SYNE1: variants seen among roughly 807,000 people sequenced by gnomAD.
The protein encoded by SYNE1 is spectrin repeat containing nuclear envelope protein 1, also known as nesprin-1.
A neutral mutation model predicts 1,111.0 loss-of-function variants in SYNE1; 616 were observed. That is an observed-to-expected ratio of 0.55 (90% CI 0.52 to 0.59). The LOEUF (loss-of-function observed/expected upper bound fraction) is 0.59, where lower values mean the gene tolerates loss of function less well. SYNE1 is among the 20% of genes least tolerant of loss of function. The pLI is 0.00. For missense variants in SYNE1, 10,006 were observed against 10,417.0 expected (o/e 0.96, Z 1.72); for synonymous variants, 3,855 against 3,825.8 (o/e 1.01, Z -0.28).
At chr6:152,195,520 C>T (rs2073879414) in intron 127 of SYNE1, among the ~76,000 whole-genome samples, 1 of 152,188 alleles carries the variant, frequency 6.6e-6, no homozygotes, top group South Asian at 2.1e-4. Flanking sequence ...CATGGGGCAC[C>T]CCAAGCCCAC....
At position 152,214,947 on chromosome 6, in the gene SYNE1, G is replaced by A. The variant is rs779112746; in HGVS notation, c.22305C>T (p.Arg7435=). 1.9e-6 allele frequency: 3 copies of A among 1,614,112 alleles called. No individual in the cohort carries two copies. The highest frequency in any genetic ancestry group is 2.5e-6 in the Non-Finnish European group (3 of 1,179,988). ...TCTGAGAGGAGATCAGAGACCAATG[G>A]CGGTTCAGATTCTGCATTCTTTTGA... ...KEIKRMQNLN[R]HWSLISSQTT... Residue 7435 remains arginine, a synonymous_variant, in exon 122 of 146, where the codon CGC becomes CGT. Coordinates refer to ENST00000367255, the MANE Select transcript of SYNE1 (RefSeq NM_182961.4).
intron 3 of SYNE1, among the ~76,000 whole-genome samples, chr6:152,566,730 G>A (rs2099414807): frequency 6.6e-6 from 1 of 152,122 alleles, no homozygotes; most frequent in Non-Finnish European, 1.5e-5. Context: ...AGCTTGGCCT[G>A]ACTCAAATAT....
At chr6:152,527,104 C>T (rs951248284) in intron 4 of SYNE1, among the ~76,000 whole-genome samples, 5 of 152,124 alleles carry the variant, frequency 3.3e-5, no homozygotes, top group African/African-American at 1.2e-4. Flanking sequence ...CTGATTCTTA[C>T]TGAATCTTGT....
At chr6:152,301,702 A>G (rs924421103) in intron 92 of SYNE1, among the ~76,000 whole-genome samples, 167 bp downstream of exon 92, 1 of 152,218 alleles carries the variant, frequency 6.6e-6, no homozygotes, top group Non-Finnish European at 1.5e-5. Context: ...AGTGTCAAAG[A>G]TTGGCCCGGC....
At chr6:152,435,721 G>A (rs2098468161) in intron 33 of SYNE1, 1 of 606,582 alleles carries the variant, frequency 1.6e-6, no homozygotes, top group Admixed American at 3.0e-5. Context: ...ATCAGTTTAA[G>A]ATGCAAAACC....
At chr6:152,323,762 A>G (rs2095957754) in intron 81 of SYNE1, 25 bp from the exon 82 acceptor site, 1 of 1,613,542 alleles carries the variant, frequency 6.2e-7, no homozygotes, top group South Asian at 1.1e-5. Flanking sequence ...ACATACTATG[A>G]AGTTCAATAA....
intron 113 of SYNE1, among the ~76,000 whole-genome samples, chr6:152,231,777 C>T (rs1308455671): frequency 8.8e-6 from 1 of 113,714 alleles, no homozygotes; most frequent in Non-Finnish European, 1.8e-5. Context: ...CACAGATATA[C>T]GTGTGTATGT....
chr6:152,555,545 T>G (rs2099362168), intron 3 of SYNE1, among the ~76,000 whole-genome samples: 2 of 152,186 alleles, frequency 1.3e-5, no homozygotes, highest in South Asian at 4.1e-4. Context: ...CAAAACTGCC[T>G]AATAATACAT....
intron 3 of SYNE1, among the ~76,000 whole-genome samples, chr6:152,547,632 A>C (rs891786904): frequency 6.6e-6 from 1 of 152,194 alleles, no homozygotes; most frequent in Non-Finnish European, 1.5e-5. Flanking sequence ...TCTTATTCCT[A>C]GTCTTTCCAA....
At chr6:152,149,868 T>C (rs1373709909) in intron 135 of SYNE1, among the ~76,000 whole-genome samples, 200 bp from the exon 136 acceptor site, 1 of 152,160 alleles carries the variant, frequency 6.6e-6, no homozygotes, top group Non-Finnish European at 1.5e-5. Context: ...GAGTCATAAA[T>C]AGAAACATTC....
intron 123 of SYNE1, among the ~76,000 whole-genome samples, chr6:152,211,808 T>C (rs1272764008): frequency 6.6e-6 from 1 of 152,188 alleles, no homozygotes; most frequent in African/African-American, 2.4e-5. Flanking sequence ...TTACTAAAAC[T>C]AGATGACCAA....
intron 113 of SYNE1, 76 bp from the exon 114 acceptor site, chr6:152,231,643 T>G: frequency 7.0e-7 from 1 of 1,431,810 alleles, no homozygotes; most frequent in Non-Finnish European, 9.6e-7. Flanking sequence ...AAGCCTTAAG[T>G]AACCTTAATA....
At chr6:152,174,137 A>G (rs1387226909) in intron 130 of SYNE1, among the ~76,000 whole-genome samples, 1 of 152,190 alleles carries the variant, frequency 6.6e-6, no homozygotes, top group East Asian at 1.9e-4. Context: ...GGAAAATAAT[A>G]TTAACTAGTT....
chr6:152,228,071 C>T (rs1243488761), intron 115 of SYNE1, among the ~76,000 whole-genome samples: 1 of 152,048 alleles, frequency 6.6e-6, no homozygotes, highest in African/African-American at 2.4e-5. Context: ...CAAAATAAAG[C>T]TGGAATCCAG....
chr6:152,428,867 C>T lies in SYNE1; in HGVS notation c.4789-475G>A, dbSNP rs533070360. 5.3e-5 allele frequency among the ~76,000 whole-genome samples: 8 copies of T among 152,092 alleles called. No individual in the cohort carries two copies. The South Asian group carries it at 1.5e-3, about 28-fold the overall frequency. On this transcript the variant is annotated intron_variant, in intron 36 of 145. Coordinates refer to ENST00000367255, the MANE Select transcript of SYNE1 (RefSeq NM_182961.4). ...CAGAAATCAAAAACGAAAATGGAGACACTTCTTCAAATAAGAATGCACTGC... is the reference window on the plus strand; with the variant it reads ...CAGAAATCAAAAACGAAAATGGAGATACTTCTTCAAATAAGAATGCACTGC...
chr6:152,256,244 C>A (rs2090796955), intron 102 of SYNE1, among the ~76,000 whole-genome samples: 1 of 151,488 alleles, frequency 6.6e-6, no homozygotes. Context: ...CATGGTGAAA[C>A]CCCGTCTTCA....
At chr6:152,436,193 G>A (rs183593274) in intron 32 of SYNE1, 92 bp from the exon 33 acceptor site, 3 of 1,326,476 alleles carry the variant, frequency 2.3e-6, no homozygotes, top group Admixed American at 4.0e-5. Context: ...AGAACAGATG[G>A]GTGGATGAAG....
At chr6:152,294,209 A>C (rs2094753135) in intron 93 of SYNE1, 82 bp from the exon 94 acceptor site, 10 of 1,493,454 alleles carry the variant, frequency 6.7e-6, no homozygotes, top group African/African-American at 1.4e-5. Flanking sequence ...TGGTCATGTC[A>C]AGGAAAGGTT....
intron 57 of SYNE1, 107 bp downstream of exon 57, chr6:152,376,669 T>C: frequency 6.4e-7 from 1 of 1,558,188 alleles, no homozygotes; most frequent in East Asian, 2.3e-5. Context: ...CACTTAGTAA[T>C]ATATTTAATG....
Sources: allele counts gnomAD v4.1 joint callset (sites outside exome capture counted in the v4.1 genomes callset), GRCh38; gene constraint gnomAD v4.1.1; transcripts MANE v1.5; gene names NCBI Gene and HGNC (gene_info 2026-07-23, HGNC 2026-07-21).